The following GPM6A variants were observed in gnomAD, a reference collection of about 807,000 sequenced individuals.
GPM6A encodes the protein neuronal membrane glycoprotein M6-a.
GPM6A carries 7 observed loss-of-function variants against 32.1 expected under a neutral mutation model. That is an observed-to-expected ratio of 0.22 (90% CI 0.12 to 0.41). The LOEUF is 0.41. Among genes scored for constraint, GPM6A ranks in the 10% least tolerant of loss-of-function variants. GPM6A has a pLI of 1.00. For synonymous variants in GPM6A, 130 were observed against 123.4 expected, an observed-to-expected ratio of 1.05 and a Z score of -0.35; for missense variants, 235 against 347.2, an observed-to-expected ratio of 0.68 and a Z score of 2.57.
chr4:175,846,371 C>A (rs1014505019), intron 1 of GPM6A, among the ~76,000 whole-genome samples: 1 of 152,066 alleles, frequency 6.6e-6, no homozygotes, highest in Non-Finnish European at 1.5e-5. Context: ...AGTTTATAAA[C>A]CTCTTGAATA....
Position 175,685,080 on chromosome 4 carries a change from G to A in GPM6A, c.231-11244C>T, listed in dbSNP as rs577265152. 2.4e-4 allele frequency among the ~76,000 whole-genome samples: 37 copies of A among 152,078 alleles called. No individual in the cohort carries two copies. In the South Asian group the frequency reaches 5.2e-3, roughly 21 times the overall value. ...TTTTTTTGTATTTTTTAGTAGAGACGGGGTTTCACCACATAAGCCAGGATG... is the reference window on the plus strand; with the variant it reads ...TTTTTTTGTATTTTTTAGTAGAGACAGGGTTTCACCACATAAGCCAGGATG... On this transcript the variant is annotated intron_variant, in intron 2 of 6. Coordinates refer to ENST00000393658, the MANE Select transcript of GPM6A (RefSeq NM_201591.3).
Position 175,685,585 on chromosome 4 carries a change from C to T in GPM6A, c.231-11749G>A, listed in dbSNP as rs77874525. Among the ~76,000 whole-genome samples the T allele has an allele frequency of 2.3e-4, 35 of 152,172 alleles. No homozygotes were observed. The East Asian group carries it at 6.4e-3, about 28-fold the overall frequency. ...ATTGGAATTGGCTTAATCATTGGTCCTAACATTTTTCAAGTATCTCACCCT... is the reference window on the plus strand; with the variant it reads ...ATTGGAATTGGCTTAATCATTGGTCTTAACATTTTTCAAGTATCTCACCCT... On this transcript the variant is annotated intron_variant, in intron 2 of 6. Coordinates refer to ENST00000393658, the MANE Select transcript of GPM6A (RefSeq NM_201591.3).
intron 1 of GPM6A, among the ~76,000 whole-genome samples, chr4:175,830,810 GTT>G (rs200012528): frequency 6.9e-6 from 1 of 143,938 alleles, no homozygotes; most frequent in Non-Finnish European, 1.5e-5. Context: ...CATTATTTCT[GTT>G]TTTTTTTTCA....
At chr4:175,692,532 A>G (rs2111040117) in intron 2 of GPM6A, among the ~76,000 whole-genome samples, 1 of 152,158 alleles carries the variant, frequency 6.6e-6, no homozygotes, top group Non-Finnish European at 1.5e-5. Context: ...CCCTGTTTTT[A>G]GTGACACATT....
At chr4:175,642,670 G>T (rs983122089) in intron 4 of GPM6A, among the ~76,000 whole-genome samples, 5 of 151,436 alleles carry the variant, frequency 3.3e-5, no homozygotes, top group African/African-American at 1.2e-4. Flanking sequence ...TCATATTTTT[G>T]TCTGTTGCCT....
At chr4:175,971,427 C>T (rs1484722744) in intron 1 of GPM6A, among the ~76,000 whole-genome samples, 2 of 152,084 alleles carry the variant, frequency 1.3e-5, no homozygotes, top group East Asian at 1.9e-4. Flanking sequence ...AAAAATATTG[C>T]GTGCACGTAA....
At chr4:175,771,798 C>T (rs1733203722) in intron 1 of GPM6A, among the ~76,000 whole-genome samples, 2 of 152,094 alleles carry the variant, frequency 1.3e-5, no homozygotes, top group Admixed American at 6.5e-5. Context: ...GGGTGGTGAA[C>T]AAAGCAGGCA....
At chr4:175,952,610 G>C (rs747587652) in intron 1 of GPM6A, among the ~76,000 whole-genome samples, 3 of 152,182 alleles carry the variant, frequency 2.0e-5, no homozygotes, top group Non-Finnish European at 4.4e-5. Flanking sequence ...ACTCATTCCA[G>C]AGATATTTTT....
chr4:175,669,501 T>C (rs957639347), intron 3 of GPM6A, among the ~76,000 whole-genome samples: 3 of 152,236 alleles, frequency 2.0e-5, no homozygotes, highest in East Asian at 3.8e-4. Flanking sequence ...ACATTTCCTT[T>C]GAGCATCACG....
intron 1 of GPM6A, among the ~76,000 whole-genome samples, chr4:175,718,179 A>G (rs1560893910): frequency 1.3e-5 from 2 of 152,334 alleles, no homozygotes; most frequent in East Asian, 3.9e-4. Context: ...AATGAAATGA[A>G]TTGATCTGGC....
chr4:175,661,028 G>C (rs867127893), intron 3 of GPM6A, among the ~76,000 whole-genome samples: 1 of 152,058 alleles, frequency 6.6e-6, no homozygotes, highest in Admixed American at 6.6e-5. Flanking sequence ...TGCAAACCCT[G>C]AATACATTTA....
chr4:175,926,984 T>C (rs1738862018), intron 1 of GPM6A, among the ~76,000 whole-genome samples: 1 of 152,250 alleles, frequency 6.6e-6, no homozygotes, highest in Non-Finnish European at 1.5e-5. Context: ...CCCATGCTGT[T>C]AATAAAATAC....
intron 1 of GPM6A, among the ~76,000 whole-genome samples, chr4:175,834,509 T>G (rs1184448755): frequency 6.6e-6 from 1 of 152,220 alleles, no homozygotes; most frequent in Non-Finnish European, 1.5e-5. Flanking sequence ...TTTACTCCTT[T>G]TGTATTGAAT....
intron 1 of GPM6A, among the ~76,000 whole-genome samples, chr4:175,908,612 C>G (rs947228507): frequency 1.3e-5 from 2 of 151,986 alleles, no homozygotes; most frequent in African/African-American, 4.8e-5. Context: ...ATCAAAGGGG[C>G]CTTTATAGGA....
intron 1 of GPM6A, among the ~76,000 whole-genome samples, chr4:175,892,085 T>C (rs1025830916): frequency 6.6e-6 from 1 of 152,218 alleles, no homozygotes; most frequent in Non-Finnish European, 1.5e-5. Context: ...CTATCAAGCA[T>C]GTAACTTTGC....
intron 1 of GPM6A, among the ~76,000 whole-genome samples, chr4:175,953,008 C>T (rs574381412): frequency 5.1e-5 from 7 of 137,786 alleles, no homozygotes; most frequent in South Asian, 4.5e-4. Context: ...CCAGTGTGGG[C>T]GACAGAACAA....
At chr4:175,788,857 C>T (rs1057159984) in intron 1 of GPM6A, among the ~76,000 whole-genome samples, 2 of 151,782 alleles carry the variant, frequency 1.3e-5, no homozygotes, top group Middle Eastern at 6.4e-3. Flanking sequence ...TTTAAGCAAA[C>T]AAAAACTGGT....
intron 3 of GPM6A, among the ~76,000 whole-genome samples, chr4:175,665,720 G>A (rs1228802080): frequency 1.3e-5 from 2 of 150,824 alleles, no homozygotes; most frequent in African/African-American, 4.9e-5. Context: ...AGGTGGAGGT[G>A]ACAGTGAGCA....
At position 175,663,042 on chromosome 4, in the gene GPM6A, A is replaced by C. The variant is rs557526091; in HGVS notation, c.387+10638T>G. On this transcript the variant is annotated intron_variant, in intron 3 of 6. Transcript: ENST00000393658. ...CCTCTTCAATCCAGCCTTTACTTTT[A>C]ATCAGAAGAATTTTTCTAAAGCGCA... Among the ~76,000 whole-genome samples the C allele has an allele frequency of 9.2e-5, 14 of 152,360 alleles. No individual in the cohort carries two copies. In the South Asian group the frequency reaches 2.9e-3, roughly 32 times the overall value.
Sources: allele counts gnomAD v4.1 joint callset (sites outside exome capture counted in the v4.1 genomes callset), GRCh38; gene constraint gnomAD v4.1.1; transcripts MANE v1.5; gene names NCBI Gene and HGNC (gene_info 2026-07-23, HGNC 2026-07-21).